Variants in SOX5 observed in about 807,000 individuals in gnomAD.
SOX5 encodes the protein transcription factor SOX-5.
A neutral mutation model predicts 92.0 loss-of-function variants in SOX5; 9 were observed. The observed-to-expected ratio is 0.10, with a 90% confidence interval of 0.06 to 0.17. The LOEUF is 0.17. Among genes scored for constraint, SOX5 ranks in the 10% least tolerant of loss-of-function variants. The pLI is 1.00. For synonymous variants in SOX5, 344 were observed against 336.3 expected (o/e 1.02, Z -0.25); for missense variants, 642 against 944.5 (o/e 0.68, Z 4.20).
chr12:24,130,664 G>A lies in SOX5; in HGVS notation c.-2+82679C>T, dbSNP rs1312466379. On this transcript the variant is annotated intron_variant, in intron 4 of 4. Coordinates refer to the SOX5 transcript ENST00000446891. ...AAGGAGACAGGGTCCAGCACCTTCA[G>A]GAGAACAGAGAGGAGGCAGTGGCTG... Among the ~76,000 whole-genome samples, 4 of 152,266 alleles carry A rather than the reference G, an allele frequency of 2.6e-5. No homozygotes were observed. In the South Asian group the frequency reaches 6.2e-4, roughly 24 times the overall value.
chr12:23,794,731 G>A (rs1338898115), intron 3 of SOX5, among the ~76,000 whole-genome samples: 3 of 152,006 alleles, frequency 2.0e-5, no homozygotes, highest in East Asian at 1.9e-4. Context: ...ATAGCTGTGA[G>A]CTACATATGT....
intron 3 of SOX5, among the ~76,000 whole-genome samples, chr12:23,759,430 GA>G (rs2094504400): frequency 6.6e-6 from 1 of 151,988 alleles, no homozygotes; most frequent in African/African-American, 2.4e-5. Flanking sequence ...GGTGACGAGG[GA>G]AGGGGATCAT....
chr12:23,662,327 C>T (rs1490298685), intron 7 of SOX5, among the ~76,000 whole-genome samples: 2 of 151,924 alleles, frequency 1.3e-5, no homozygotes, highest in Middle Eastern at 3.2e-3. Flanking sequence ...CCATTCATAC[C>T]GAATGCCAAA....
chr12:23,769,603 T>A (rs2094854966), intron 3 of SOX5, among the ~76,000 whole-genome samples: 2 of 152,144 alleles, frequency 1.3e-5, no homozygotes, highest in Admixed American at 6.6e-5. Context: ...ATATACAACA[T>A]TGTAATATAA....
At chr12:24,434,628 C>T (rs958087006) in intron 1 of SOX5, among the ~76,000 whole-genome samples, 1 of 152,138 alleles carries the variant, frequency 6.6e-6, no homozygotes, top group South Asian at 2.1e-4. Flanking sequence ...CAGTTTAACA[C>T]CATTCACCCT....
intron 3 of SOX5, among the ~76,000 whole-genome samples, chr12:24,217,996 G>A (rs1289647602): frequency 1.3e-5 from 2 of 152,200 alleles, no homozygotes; most frequent in African/African-American, 2.4e-5. Context: ...TGAGGCTATA[G>A]AGACGTGGGA....
intron 6 of SOX5, among the ~76,000 whole-genome samples, chr12:23,730,965 G>C (rs1567294036): frequency 1.3e-5 from 2 of 152,214 alleles, no homozygotes; most frequent in South Asian, 2.1e-4. Context: ...TAGCACGTGA[G>C]TCTAAGTGGC....
At chr12:23,998,411 T>C (rs543697605) in intron 4 of SOX5, among the ~76,000 whole-genome samples, 1 of 152,082 alleles carries the variant, frequency 6.6e-6, no homozygotes, top group African/African-American at 2.4e-5. Context: ...GAAAAAAGAA[T>C]GATAAGTTGA....
chr12:23,674,728 T>C (rs1176089313), intron 6 of SOX5, among the ~76,000 whole-genome samples: 1 of 152,066 alleles, frequency 6.6e-6, no homozygotes, highest in Non-Finnish European at 1.5e-5. Flanking sequence ...TTAATTTTCA[T>C]CTTTATATTG....
chr12:24,127,677 A>AGT (rs1374384349), intron 4 of SOX5, among the ~76,000 whole-genome samples: 7 of 152,088 alleles, frequency 4.6e-5, no homozygotes, highest in African/African-American at 1.7e-4. Flanking sequence ...AAACCTTCTT[A>AGT]GTGTGCCTCC....
intron 4 of SOX5, among the ~76,000 whole-genome samples, chr12:24,058,712 A>G (rs1003922902): frequency 2.0e-5 from 3 of 152,194 alleles, no homozygotes; most frequent in African/African-American, 7.2e-5. Flanking sequence ...GCTACAGTTT[A>G]GAAGTAGTCT....
chr12:24,288,138 G>A (rs546302129), intron 2 of SOX5, among the ~76,000 whole-genome samples: 1 of 152,280 alleles, frequency 6.6e-6, no homozygotes, highest in South Asian at 2.1e-4. Context: ...GTCCCTGGGG[G>A]ACATTTGGGA....
chr12:24,309,517 G>GA (rs962557950), intron 2 of SOX5, among the ~76,000 whole-genome samples: 8 of 150,048 alleles, frequency 5.3e-5, no homozygotes, highest in East Asian at 1.9e-4. Context: ...TTTTTCTTCA[G>GA]AAAAAAAAAC....
chr12:23,551,775 C>T (rs1329493486), intron 11 of SOX5, among the ~76,000 whole-genome samples: 1 of 150,140 alleles, frequency 6.7e-6, no homozygotes, highest in African/African-American at 2.4e-5. Context: ...TCTGCCTTAT[C>T]TAATACTGAT....
intron 1 of SOX5, among the ~76,000 whole-genome samples, chr12:24,537,939 C>A (rs371054782): frequency 5.9e-5 from 9 of 152,198 alleles, no homozygotes; most frequent in Non-Finnish European, 1.3e-4. Flanking sequence ...TCCACAGTTA[C>A]ATTTCTTGTT....
At chr12:23,987,752 C>T (rs1378773431) in intron 4 of SOX5, among the ~76,000 whole-genome samples, 2 of 152,158 alleles carry the variant, frequency 1.3e-5, no homozygotes, top group African/African-American at 4.8e-5. Context: ...GCGATCAGGC[C>T]ACCATATTCC....
chr12:23,978,178 A>C (rs1451349365), intron 4 of SOX5, among the ~76,000 whole-genome samples: 1 of 152,222 alleles, frequency 6.6e-6, no homozygotes, highest in Non-Finnish European at 1.5e-5. Context: ...TTTGCCTGGT[A>C]AATTTCCAAG....
chr12:23,683,552 G>A (rs929643813), intron 6 of SOX5, among the ~76,000 whole-genome samples: 3 of 151,704 alleles, frequency 2.0e-5, no homozygotes, highest in African/African-American at 7.3e-5. Context: ...GGTCACATGT[G>A]GTTCTCAATA....
At chr12:24,457,471 G>A (rs2137428495) in intron 1 of SOX5, among the ~76,000 whole-genome samples, 1 of 152,262 alleles carries the variant, frequency 6.6e-6, no homozygotes, top group Non-Finnish European at 1.5e-5. Flanking sequence ...AATTTTTTAA[G>A]AGATTAGCAT....
Sources: allele counts gnomAD v4.1 joint callset (sites outside exome capture counted in the v4.1 genomes callset), GRCh38; gene constraint gnomAD v4.1.1; transcripts MANE v1.5; gene names NCBI Gene and HGNC (gene_info 2026-07-23, HGNC 2026-07-21).